ASPRV1: variants seen among roughly 807,000 people sequenced by gnomAD.
ASPRV1 encodes retroviral-like aspartic protease 1.
In ASPRV1, 7 loss-of-function variants were observed where a neutral mutation model predicts 11.0. The ratio of observed to expected loss-of-function variants is 0.64; its 90% CI spans 0.36 to 1.20. ASPRV1 has a LOEUF of 1.20. Among genes scored for constraint, ASPRV1 ranks in the 50% most tolerant of loss-of-function variants. The probability of loss-of-function intolerance (pLI) is 0.02; values close to 1 mark genes in which losing one functional copy is unlikely to be tolerated. For missense variants in ASPRV1, 299 were observed against 320.0 expected, an observed-to-expected ratio of 0.93 and a Z score of 0.50; for synonymous variants, 136 against 138.4, an observed-to-expected ratio of 0.98 and a Z score of 0.12.
At chr2:70,083,797 CA>C in the ASPRV1 span, 1 of 152,294 alleles carries the variant, frequency 6.6e-6, no homozygotes, top group African/African-American at 2.4e-5. Flanking sequence ...AGTCCCTGGA[CA>C]TAAGTAGAAG....
At chr2:70,080,202 G>C in the ASPRV1 span, among the ~76,000 whole-genome samples, 109 of 149,642 alleles carry the variant, frequency 7.3e-4, no homozygotes, top group African/African-American at 2.5e-3. Context: ...AAGTTAGAGA[G>C]AAAGGAGTAG....
chr2:70,039,445 T>C, the ASPRV1 span, among the ~76,000 whole-genome samples: 4 of 152,192 alleles, frequency 2.6e-5, no homozygotes, highest in Non-Finnish European at 4.4e-5. Context: ...TTGCTGTAAG[T>C]TGAAGAATGA....
the ASPRV1 span, among the ~76,000 whole-genome samples, chr2:70,027,742 G>C: frequency 6.6e-6 from 1 of 152,176 alleles, no homozygotes; most frequent in Non-Finnish European, 1.5e-5. Flanking sequence ...CAAACATATA[G>C]TTAGATAAAA....
the ASPRV1 span, among the ~76,000 whole-genome samples, chr2:69,947,062 C>T: frequency 7.2e-5 from 11 of 152,184 alleles, no homozygotes; most frequent in Non-Finnish European, 1.5e-4. Context: ...TCAGAACAAC[C>T]GTAGGTAGAG....
rs1014974080 is a variant in ASPRV1, at chr2:69,961,013, C to T, written c.424G>A (p.Glu142Lys). ...QVSVVHPNLW[E>K]EVTDGDLDTL... ...TCCAGATCGCCATCAGTGACCTCCT[C>T]CCACAAGTTTGGGTGGACCACAGAG... Residue 142 changes from glutamate (E) to lysine (K), a missense_variant, in exon 1 of 1, where the codon GAG (glutamate) becomes AAG (lysine). By Grantham distance (56) the Glu-to-Lys change is moderately conservative (BLOSUM62 1). Coordinates refer to ENST00000320256, the MANE Select transcript of ASPRV1 (RefSeq NM_152792.4). 6.2e-7 allele frequency: 1 copy of T among 1,614,014 alleles called. No individual in the cohort carries two copies. Among genetic ancestry groups the T allele is most frequent in the East Asian group, 2.2e-5 (1 of 44,888 alleles).
the ASPRV1 span, among the ~76,000 whole-genome samples, chr2:70,007,223 G>A: frequency 7.2e-5 from 11 of 152,278 alleles, no homozygotes; most frequent in South Asian, 1.4e-3. Context: ...GAAGTAGAAC[G>A]CTATCTACTT....
chr2:69,937,333 G>C, the ASPRV1 span: 1 of 1,614,174 alleles, frequency 6.2e-7, no homozygotes, highest in Non-Finnish European at 8.5e-7. Context: ...TGGGCATTGA[G>C]AGGATCCGGA....
chr2:69,966,956 G>A, the ASPRV1 span, among the ~76,000 whole-genome samples: 1 of 152,034 alleles, frequency 6.6e-6, no homozygotes, highest in Non-Finnish European at 1.5e-5. Flanking sequence ...AGAGAGAAAC[G>A]GAAAAACAGC....
chr2:69,938,394 C>T, the ASPRV1 span: 1 of 1,161,914 alleles, frequency 8.6e-7, no homozygotes, highest in Non-Finnish European at 1.2e-6. Context: ...AGTGTCCCAC[C>T]TTGACCAAAA....
At chr2:69,998,523 C>T in the ASPRV1 span, among the ~76,000 whole-genome samples, 1 of 151,918 alleles carries the variant, frequency 6.6e-6, no homozygotes, top group Non-Finnish European at 1.5e-5. Context: ...GGGTGGATCA[C>T]GAGGTCAGAT....
the ASPRV1 span, among the ~76,000 whole-genome samples, chr2:70,076,579 G>T: frequency 1.3e-5 from 2 of 152,114 alleles, no homozygotes; most frequent in African/African-American, 4.8e-5. Flanking sequence ...CTTATGATGA[G>T]GTTACATCTC....
the ASPRV1 span, among the ~76,000 whole-genome samples, chr2:70,072,806 C>G: frequency 7.5e-4 from 114 of 151,100 alleles, 1 homozygote; most frequent in South Asian, 2.9e-3. Flanking sequence ...AATCCCAGCA[C>G]TTCAGGAGGT....
At chr2:70,015,343 T>A in the ASPRV1 span, 4 of 152,186 alleles carry the variant, frequency 2.6e-5, no homozygotes, top group African/African-American at 9.7e-5. Context: ...ATATAACAAC[T>A]GTAAATATAC....
the ASPRV1 span, chr2:69,938,699 A>T: frequency 6.4e-6 from 1 of 156,662 alleles, no homozygotes; most frequent in Non-Finnish European, 1.4e-5. Flanking sequence ...TGAAGGAAAC[A>T]AACTTTTGAA....
the ASPRV1 span, among the ~76,000 whole-genome samples, chr2:69,986,685 G>C: frequency 6.6e-6 from 1 of 152,188 alleles, no homozygotes; most frequent in Non-Finnish European, 1.5e-5. Flanking sequence ...GGGGACAAGA[G>C]AACCATGAGA....
the ASPRV1 span, among the ~76,000 whole-genome samples, chr2:70,061,775 CCT>C: frequency 6.6e-6 from 1 of 151,576 alleles, no homozygotes; most frequent in East Asian, 1.9e-4. Context: ...ATAGCGAAAC[CCT>C]GTCTCTACTA....
At chr2:69,941,885 C>CAT in the ASPRV1 span, 1 of 151,930 alleles carries the variant, frequency 6.6e-6, no homozygotes. Context: ...CACACACACA[C>CAT]ATATTATTAT....
At chr2:69,954,667 T>C in the ASPRV1 span, among the ~76,000 whole-genome samples, 1 of 152,066 alleles carries the variant, frequency 6.6e-6, no homozygotes, top group South Asian at 2.1e-4. Context: ...CTTTCCTCCC[T>C]CCACCCCAAA....
At chr2:70,004,398 C>T in the ASPRV1 span, among the ~76,000 whole-genome samples, 1 of 151,860 alleles carries the variant, frequency 6.6e-6, no homozygotes, top group East Asian at 1.9e-4. Flanking sequence ...GGTGCCGTGG[C>T]GCACACCTGT....
Sources: gnomAD v4.1 joint callset for allele counts (sites outside exome capture counted in the v4.1 genomes callset) on GRCh38, gnomAD v4.1.1 for gene constraint, MANE v1.5 for transcripts, NCBI Gene and HGNC (gene_info 2026-07-23, HGNC 2026-07-21) for gene names.